The following NBPF10 variants were observed in gnomAD, a reference collection of about 807,000 sequenced individuals.
The protein encoded by NBPF10 is NBPF family member NBPF10.
A neutral mutation model predicts 77.9 loss-of-function variants in NBPF10; 63 were observed. The ratio of observed to expected loss-of-function variants is 0.81; its 90% CI spans 0.66 to 1.00. The LOEUF (loss-of-function observed/expected upper bound fraction) is 1.00, where lower values mean the gene tolerates loss of function less well. NBPF10 is among the 50% of genes least tolerant of loss of function. The probability of loss-of-function intolerance (pLI) is 0.00; values close to 1 mark genes in which losing one functional copy is unlikely to be tolerated. For missense variants in NBPF10, 522 were observed against 679.8 expected, an observed-to-expected ratio of 0.77 and a Z score of 2.58; for synonymous variants, 146 against 264.5, an observed-to-expected ratio of 0.55 and a Z score of 4.35.
chr1:146,126,461 C>T (rs1271840723), intron 13 of NBPF10, 53 bp from the exon 14 acceptor site: 2 of 784,466 alleles, frequency 2.5e-6, no homozygotes, highest in East Asian at 2.5e-5. Context: ...AGAAACCACA[C>T]AGCCCCAGCT....
chr1:146,126,021 G>T (rs376458419), intron 14 of NBPF10, among the ~76,000 whole-genome samples: 1 of 151,824 alleles, frequency 6.6e-6, no homozygotes, highest in East Asian at 1.9e-4. Flanking sequence ...GGTGCCACAG[G>T]CATGGCCTGA....
At chr1:146,076,302 C>CAGAGAG (rs1158170059) in intron 77 of NBPF10, among the ~76,000 whole-genome samples, 1 of 4,840 alleles carries the variant, frequency 2.1e-4, no homozygotes, top group African/African-American at 4.2e-4. Flanking sequence ...CACACACACA[C>CAGAGAG]AGAGAGAGAG....
chr1:146,071,596 G>A (rs1231870319), intron 83 of NBPF10, among the ~76,000 whole-genome samples: 3 of 13,094 alleles, frequency 2.3e-4, no homozygotes, highest in African/African-American at 6.2e-4. Flanking sequence ...TCAGTGAATT[G>A]TCCAGGTGAC....
At chr1:146,081,000 C>G (rs1459022923) in intron 71 of NBPF10, among the ~76,000 whole-genome samples, 4 of 80,316 alleles carry the variant, frequency 5.0e-5, no homozygotes, top group African/African-American at 1.3e-4. Context: ...CACACACACA[C>G]ACACACACAC....
Position 146,140,401 on chromosome 1 carries a change from A to G in NBPF10, c.566+83T>C, listed in dbSNP as rs1553796922. 11 of 789,802 alleles carry G rather than the reference A, an allele frequency of 1.4e-5. 1 individual carries two copies. In the Middle Eastern group the frequency reaches 1.0e-3, roughly 74 times the overall value. The allele number at this position is 789,802 out of a possible 1,614,324, so 48.9% of individuals were successfully genotyped here. A position where few individuals can be genotyped will look rare whatever the true frequency, so the allele number is the denominator to read the frequency against. On this transcript the variant is annotated intron_variant, in intron 4 of 89. Transcript: ENST00000583866. ...CCAAGGGAATGCGGGCATTTGGCCC[A>G]TCATAGATGCCAGAGAGGGTGTGCC...
At position 146,126,292 on chromosome 1, in the gene NBPF10, C is replaced by G. The variant is rs782268336; in HGVS notation, c.1970G>C (p.Arg657Thr). 4.4e-6 allele frequency: 7 copies of G among 1,601,258 alleles called. No individual in the cohort carries two copies. In the Middle Eastern group the frequency reaches 6.6e-4, roughly 152 times the overall value. The change falls in exon 14 of 90, where the codon AGA becomes ACA. Residue 657 changes from arginine (R) to threonine (T), a missense_variant. Physicochemically the swap from Arg to Thr is moderately conservative, Grantham distance 71. Coordinates refer to ENST00000583866, the Ensembl canonical transcript of NBPF10. Reference sequence around the variant, plus strand: ...TTGCTCCAATATGTAAAAGGCACTTCTGTAGGGCTGGCATGAGTCAGTCAG... The same window carrying G: ...TTGCTCCAATATGTAAAAGGCACTTGTGTAGGGCTGGCATGAGTCAGTCAG...
chr1:146,073,980 G>C (rs1490431830), intron 80 of NBPF10, among the ~76,000 whole-genome samples: 1 of 97,634 alleles, frequency 1.0e-5, no homozygotes, highest in African/African-American at 2.8e-5. Context: ...ACAAAATTGA[G>C]ACAAAATCAG....
intron 63 of NBPF10, 26 bp from the exon 64 acceptor site, chr1:146,087,122 A>G (rs1553783016): frequency 4.1e-5 from 1 of 24,400 alleles, no homozygotes; most frequent in Non-Finnish European, 7.3e-5. Flanking sequence ...AAAGTAAAGA[A>G]TAAGTCAGGG....
intron 7 of NBPF10, 135 bp downstream of exon 7, chr1:146,136,216 TTG>T: frequency 1.2e-6 from 1 of 801,850 alleles, no homozygotes; most frequent in Non-Finnish European, 2.1e-6. Flanking sequence ...TGATAAATAT[TTG>T]TGTGTAGCGA....
chr1:146,066,930 T>C (rs1553777726), intron 89 of NBPF10, among the ~76,000 whole-genome samples: 1 of 145,798 alleles, frequency 6.9e-6, no homozygotes, highest in East Asian at 2.0e-4. Context: ...TAAAATATGC[T>C]CAAAATTCGA....
exon 14 of NBPF10, chr1:146,126,300 C>G (rs782443316): frequency 5.7e-6 from 9 of 1,585,008 alleles, no homozygotes; most frequent in Admixed American, 3.3e-5. Flanking sequence ...TTCTGTAGGG[C>G]TGGCATGAGT....
intron 14 of NBPF10, 106 bp from the exon 15 acceptor site, chr1:146,125,622 G>T (rs1387733737): frequency 3.8e-6 from 2 of 523,062 alleles, no homozygotes; most frequent in East Asian, 3.0e-5. Flanking sequence ...CTCAGCATGA[G>T]AATAGGACAC....
chr1:146,126,491 A>C (rs1356222186), intron 13 of NBPF10, 83 bp from the exon 14 acceptor site: 2 of 727,228 alleles, frequency 2.8e-6, no homozygotes, highest in Middle Eastern at 3.7e-4. Flanking sequence ...GGCTAACATA[A>C]GGAAGAGTTT....
At chr1:146,126,088 A>T in intron 14 of NBPF10, 148 bp downstream of exon 14, 1 of 644,284 alleles carries the variant, frequency 1.6e-6, no homozygotes, top group Admixed American at 2.7e-5. Flanking sequence ...TCCAAGTGGA[A>T]CTAGAGTTTC....
chr1:146,124,960 A>G lies in NBPF10; in HGVS notation c.2079-100T>C. 1.1e-5 allele frequency: 2 copies of G among 182,310 alleles called. 1 individual carries two copies. 11.3% of individuals were successfully genotyped at this position (182,310 alleles called of 1,614,324 possible). On this transcript the variant is annotated intron_variant, in intron 15 of 89. Coordinates refer to ENST00000583866, the Ensembl canonical transcript of NBPF10. Reference sequence around the variant, plus strand: ...CTAACATAAGGAACTGTTTAAAAAGAAAAAGGACAGATCCATTAACGAGGT... The same window carrying G: ...CTAACATAAGGAACTGTTTAAAAAGGAAAAGGACAGATCCATTAACGAGGT...
rs1308527823 is a variant in NBPF10 at position 146,139,047 on chromosome 1, G to T, written c.779-602C>A. Among the ~76,000 whole-genome samples, 231 of 138,368 alleles carry T rather than the reference G, an allele frequency of 1.7e-3. 3 individuals are homozygous for T. The highest frequency in any genetic ancestry group is 5.2e-3 in the African/African-American group (209 of 40,004). The allele number at this position is 138,368 out of a possible 152,430, so 90.8% of individuals were successfully genotyped here. A position where few individuals can be genotyped will look rare whatever the true frequency, so the allele number is the denominator to read the frequency against. On this transcript the variant is annotated intron_variant, in intron 5 of 89. Coordinates refer to ENST00000583866, the Ensembl canonical transcript of NBPF10. ...GTTCCGCCCACCTCAGCCTCCCAAAGTGCTGGGATTAAGATGTGAGCCAGC... is the reference window on the plus strand; with the variant it reads ...GTTCCGCCCACCTCAGCCTCCCAAATTGCTGGGATTAAGATGTGAGCCAGC...
chr1:146,126,620 C>G (rs1287850606), intron 13 of NBPF10, among the ~76,000 whole-genome samples: 1 of 143,204 alleles, frequency 7.0e-6, no homozygotes, highest in South Asian at 2.3e-4. Context: ...CACACACACA[C>G]ACACACACAC....
Position 146,126,676 on chromosome 1 carries a change from G to A in NBPF10, c.1854-268C>T, listed in dbSNP as rs1460830081. On this transcript the variant is annotated intron_variant, in intron 13 of 89. Transcript: ENST00000583866. ...ATTGGTCAGGTGACACACTGATGAG[G>A]GAGTCAAAGGACACTCTGTATTTGT... 1.6e-4 allele frequency among the ~76,000 whole-genome samples: 23 copies of A among 144,874 alleles called. No homozygotes were observed. The East Asian group carries it at 2.2e-3, about 14-fold the overall frequency.
In NBPF10 at chr1:146,069,661, C is replaced by T. The variant is rs1331498315; in HGVS notation, c.10692G>A (p.Leu3564=). ...CTGAAGGAGTTGAATAACATCTATC[C>T]AGTGAGTCCTGCAAGACTTCAGGCC... Residue 3564 remains leucine (L), a synonymous_variant, in exon 86 of 90, where the codon CTG becomes CTA. Transcript: ENST00000583866. The T allele has an allele frequency of 2.9e-6, 4 of 1,401,910 alleles. No individual in the cohort carries two copies. The East Asian group carries it at 9.1e-5, about 32-fold the overall frequency. The allele number at this position is 1,401,910 out of a possible 1,614,324, so 86.8% of individuals were successfully genotyped here.
Sources: gnomAD v4.1 joint callset for allele counts (sites outside exome capture counted in the v4.1 genomes callset) on GRCh38, gnomAD v4.1.1 for gene constraint, MANE v1.5 for transcripts, NCBI Gene and HGNC (gene_info 2026-07-23, HGNC 2026-07-21) for gene names.